Variants in CPE observed in about 807,000 individuals in gnomAD.
The protein encoded by CPE is carboxypeptidase E.
In CPE, 17 loss-of-function variants were observed where a neutral mutation model predicts 53.5. The ratio of observed to expected loss-of-function variants is 0.32; its 90% CI spans 0.22 to 0.48. The LOEUF (loss-of-function observed/expected upper bound fraction) is 0.48. Ranked by LOEUF, CPE falls within the 20% of genes least tolerant of loss-of-function variation. CPE has a pLI of 0.99. For synonymous variants in CPE, 226 were observed against 228.8 expected, an observed-to-expected ratio of 0.99 and a Z score of 0.11; for missense variants, 524 against 614.7, an observed-to-expected ratio of 0.85 and a Z score of 1.56.
intron 1 of CPE, among the ~76,000 whole-genome samples, chr4:165,410,900 A>T (rs1866221): frequency 0.29 from 43,696 of 151,840 alleles, 6,436 homozygotes; most frequent in Middle Eastern, 0.4. Context: ...TCAGGATCTG[A>T]GGATAAAGGA....
chr4:165,457,764 T>C (rs928818430), intron 1 of CPE, among the ~76,000 whole-genome samples: 12 of 152,212 alleles, frequency 7.9e-5, no homozygotes, highest in African/African-American at 2.9e-4. Flanking sequence ...GAGAATATAA[T>C]GCTGTCATTT....
intron 1 of CPE, among the ~76,000 whole-genome samples, chr4:165,442,704 T>G (rs1731635182): frequency 6.6e-6 from 1 of 152,206 alleles, no homozygotes; most frequent in Non-Finnish European, 1.5e-5. Flanking sequence ...GAGAGAAAAT[T>G]GCCACCACTG....
chr4:165,429,571 G>A (rs895052784), intron 1 of CPE, among the ~76,000 whole-genome samples: 2 of 151,852 alleles, frequency 1.3e-5, no homozygotes, highest in African/African-American at 4.8e-5. Flanking sequence ...GCATGGTGGT[G>A]GGCACCTGTA....
intron 1 of CPE, among the ~76,000 whole-genome samples, chr4:165,459,337 C>A (rs1423388929): frequency 6.6e-6 from 1 of 152,076 alleles, no homozygotes; most frequent in Non-Finnish European, 1.5e-5. Flanking sequence ...CAAATCCAAC[C>A]AGGCACATTA....
At chr4:165,488,795 C>G (rs1400154481) in intron 6 of CPE, among the ~76,000 whole-genome samples, 1 of 151,974 alleles carries the variant, frequency 6.6e-6, no homozygotes, top group Non-Finnish European at 1.5e-5. Context: ...TTGCAAGGCT[C>G]TGTTGCAGTG....
intron 6 of CPE, among the ~76,000 whole-genome samples, chr4:165,489,472 A>G (rs1732563079): frequency 6.6e-6 from 1 of 152,190 alleles, no homozygotes; most frequent in African/African-American, 2.4e-5. Flanking sequence ...CCTAATCACA[A>G]GAGAGGAGGA....
At chr4:165,390,921 G>A (rs1730669460) in intron 1 of CPE, among the ~76,000 whole-genome samples, 1 of 152,102 alleles carries the variant, frequency 6.6e-6, no homozygotes, top group South Asian at 2.1e-4. Context: ...TAATATTTTT[G>A]AGATCCTTTT....
At chr4:165,467,954 G>A (rs1157308961) in intron 3 of CPE, 99 bp downstream of exon 3, 1 of 1,321,196 alleles carries the variant, frequency 7.6e-7, no homozygotes, top group East Asian at 2.5e-5. Flanking sequence ...TAACATCACA[G>A]CTTGTATGGG....
intron 1 of CPE, among the ~76,000 whole-genome samples, chr4:165,380,679 A>G (rs1287790940): frequency 1.3e-5 from 2 of 152,198 alleles, no homozygotes; most frequent in Non-Finnish European, 2.9e-5. Context: ...CTGAGAAGAG[A>G]TTAAAATAAG....
intron 1 of CPE, among the ~76,000 whole-genome samples, chr4:165,448,678 G>A (rs1003915452): frequency 2.6e-5 from 4 of 152,010 alleles, no homozygotes; most frequent in African/African-American, 9.7e-5. Context: ...ATTGTCACCA[G>A]TCCTAACTGA....
intron 1 of CPE, among the ~76,000 whole-genome samples, chr4:165,457,399 A>G (rs756743844): frequency 6.6e-5 from 10 of 152,212 alleles, no homozygotes; most frequent in Non-Finnish European, 1.2e-4. Flanking sequence ...GAAGGCATCA[A>G]ATACTTTCAT....
intron 1 of CPE, among the ~76,000 whole-genome samples, chr4:165,383,827 C>G (rs1462945411): frequency 6.6e-6 from 1 of 152,260 alleles, no homozygotes; most frequent in East Asian, 1.9e-4. Flanking sequence ...ACTTAAAATT[C>G]GTGAAGATAG....
rs977240692 is a variant in CPE at position 165,426,789 on chromosome 4, G to A, written c.308-37601G>A. ...ATACACTACAATGTAGCAGTCTCTC[G>A]TGAGGTATCAGCCAGAGTTTTTTGT... On this transcript the variant is annotated intron_variant, in intron 1 of 8. Transcript: ENST00000402744. 5.9e-5 allele frequency among the ~76,000 whole-genome samples: 9 copies of A among 152,214 alleles called. No individual in the cohort carries two copies. In the South Asian group the frequency reaches 1.2e-3, roughly 21 times the overall value.
At position 165,493,159 on chromosome 4, in the gene CPE, T is replaced by C. The variant is rs748297557; in HGVS notation, c.1114-12T>C. ...GTCATATTAATTTTTTGGTTATTTTTGACCTTCACAGATACACCGAGGAGT... is the reference window on the plus strand; with the variant it reads ...GTCATATTAATTTTTTGGTTATTTTCGACCTTCACAGATACACCGAGGAGT... On this transcript the variant is annotated splice_polypyrimidine_tract_variant and intron_variant, in intron 6 of 8. Transcript: ENST00000402744. The C allele has an allele frequency of 3.1e-6, 5 of 1,597,022 alleles. No homozygotes were observed. The highest frequency in any genetic ancestry group is 1.7e-4 in the Middle Eastern group (1 of 6,030).
chr4:165,451,649 G>A (rs928277041), intron 1 of CPE, among the ~76,000 whole-genome samples: 1 of 151,952 alleles, frequency 6.6e-6, no homozygotes, highest in Non-Finnish European at 1.5e-5. Context: ...ATGCCACCAC[G>A]GCTGGCTAAT....
chr4:165,467,789 G>C lies in CPE; in HGVS notation c.606G>C (p.Glu202Asp), dbSNP rs373115142. ...PDLDRIVYVN[E>D]KEGGPNNHLL... ...TGGATAGGATAGTGTACGTGAATGAGAAAGAAGGTGGTCCAAATAATCATC... is the reference window on the plus strand; with the variant it reads ...TGGATAGGATAGTGTACGTGAATGACAAAGAAGGTGGTCCAAATAATCATC... The change falls in exon 3 of 9, where the codon GAG (glutamate) becomes GAC (aspartate). Residue 202 changes from glutamate to aspartate, a missense_variant. By Grantham distance (45) the Glu-to-Asp change is conservative. Transcript: ENST00000402744. 1.9e-6 allele frequency: 3 copies of C among 1,613,824 alleles called. No individual in the cohort carries two copies. Among genetic ancestry groups the C allele is most frequent in the Admixed American group, 3.3e-5 (2 of 59,978 alleles).
intron 1 of CPE, among the ~76,000 whole-genome samples, chr4:165,416,190 C>T (rs1731118890): frequency 6.6e-6 from 1 of 151,696 alleles, no homozygotes; most frequent in Non-Finnish European, 1.5e-5. Flanking sequence ...AGCTTTCTGG[C>T]TTCCTTAATA....
chr4:165,383,126 A>G (rs1730530896), intron 1 of CPE, among the ~76,000 whole-genome samples: 1 of 152,136 alleles, frequency 6.6e-6, no homozygotes, highest in Non-Finnish European at 1.5e-5. Context: ...GGTTTCCTCT[A>G]CACTGGGAGT....
At chr4:165,408,489 A>C (rs1396596412) in intron 1 of CPE, among the ~76,000 whole-genome samples, 1 of 152,254 alleles carries the variant, frequency 6.6e-6, no homozygotes, top group Non-Finnish European at 1.5e-5. Flanking sequence ...GGCAACTCAA[A>C]GATAGCAAAC....
Sources: allele counts gnomAD v4.1 joint callset (sites outside exome capture counted in the v4.1 genomes callset), GRCh38; gene constraint gnomAD v4.1.1; transcripts MANE v1.5; gene names NCBI Gene and HGNC (gene_info 2026-07-23, HGNC 2026-07-21).